TRHR: variants seen among roughly 807,000 people sequenced by gnomAD.
The protein encoded by TRHR is thyrotropin-releasing hormone receptor.
A neutral mutation model predicts 28.0 loss-of-function variants in TRHR; 14 were observed. That is an observed-to-expected ratio of 0.50 (90% confidence interval 0.33 to 0.78). TRHR has a LOEUF of 0.78. Among genes scored for constraint, TRHR ranks in the 30% least tolerant of loss-of-function variants. The pLI is 0.02. For synonymous variants in TRHR, 176 were observed against 171.9 expected, an observed-to-expected ratio of 1.02 and a Z score of -0.18; for missense variants, 438 against 469.5, an observed-to-expected ratio of 0.93 and a Z score of 0.62.
intron 2 of TRHR, among the ~76,000 whole-genome samples, chr8:109,105,395 A>G (rs1469432601): frequency 6.6e-6 from 1 of 152,194 alleles, no homozygotes; most frequent in East Asian, 1.9e-4. Flanking sequence ...ATTGTCTTAC[A>G]TGTGTGACAA....
chr8:109,112,207 T>C (rs1811844724), intron 2 of TRHR, among the ~76,000 whole-genome samples: 2 of 152,128 alleles, frequency 1.3e-5, no homozygotes. Flanking sequence ...AGCAAGAGTA[T>C]CCAGATACTA....
intron 2 of TRHR, among the ~76,000 whole-genome samples, chr8:109,100,057 G>A (rs1178523171): frequency 6.6e-6 from 1 of 152,146 alleles, no homozygotes. Flanking sequence ...GTGTAGTCAA[G>A]TGACTCAAGC....
intron 2 of TRHR, among the ~76,000 whole-genome samples, chr8:109,098,593 T>C (rs1811630198): frequency 6.6e-6 from 1 of 152,132 alleles, no homozygotes; most frequent in African/African-American, 2.4e-5. Flanking sequence ...TATCTTGCCA[T>C]ACTAGGACAT....
chr8:109,119,296 T>C lies in TRHR; in HGVS notation c.1038T>C (p.Ala346=), dbSNP rs956251324. The change falls in exon 3 of 3, where the codon GCT becomes GCC. Residue 346 remains alanine, a synonymous_variant. Coordinates refer to ENST00000518632, the MANE Select transcript of TRHR (RefSeq NM_003301.7). ...AGCAGAAGCCAACAGAGAAACCTGC[T>C]AACTACAGTGTGGCCCTAAATTACA... ...NCKQKPTEKP[A]NYSVALNYSV... 1 of 1,612,720 alleles carries C rather than the reference T, an allele frequency of 6.2e-7. No individual in the cohort carries two copies.
At chr8:109,105,586 A>G (rs1047757546) in intron 2 of TRHR, among the ~76,000 whole-genome samples, 1 of 152,174 alleles carries the variant, frequency 6.6e-6, no homozygotes, top group East Asian at 1.9e-4. Flanking sequence ...ACAAATGCCC[A>G]TATTATATCA....
chr8:109,088,149 T>G lies in TRHR; in HGVS notation c.637T>G (p.Phe213Val), dbSNP rs754804741. ...PMILATVLYG[F>V]IARILFLNPI... ...GATCCTGGCTACCGTCCTCTATGGA[T>G]TCATAGCTAGAATCCTTTTCTTAAA... Residue 213 changes from phenylalanine (F) to valine (V), a missense_variant, in exon 2 of 3, where the codon TTC becomes GTC. Coordinates refer to ENST00000518632, the MANE Select transcript of TRHR (RefSeq NM_003301.7). 2 of 1,614,174 alleles carry G rather than the reference T, an allele frequency of 1.2e-6. No homozygotes were observed. The highest frequency in any genetic ancestry group is 1.7e-6 in the Non-Finnish European group (2 of 1,180,038).
In TRHR at chr8:109,120,905, C is replaced by T. The variant is rs566196748; in HGVS notation, c.*1450C>T. Among the ~76,000 whole-genome samples the T allele has an allele frequency of 6.6e-6, 1 of 151,556 alleles. No homozygotes were observed. The highest frequency in any genetic ancestry group is 2.1e-4 in the South Asian group (1 of 4,816). ...ACCCATACCTTTACATGCCCGTAGG[C>T]TGTCATTTTCCCTCTCCAGCCTATA... On this transcript the variant is annotated 3_prime_UTR_variant, in exon 3 of 3. Transcript: ENST00000518632.
chr8:109,099,832 A>G (rs1440083308), intron 2 of TRHR, among the ~76,000 whole-genome samples: 1 of 152,216 alleles, frequency 6.6e-6, no homozygotes, highest in Admixed American at 6.5e-5. Context: ...AAGAAAGTAA[A>G]TCATCCTATG....
At chr8:109,092,407 A>ATTAT (rs932121087) in intron 2 of TRHR, among the ~76,000 whole-genome samples, 1 of 150,538 alleles carries the variant, frequency 6.6e-6, no homozygotes, top group Non-Finnish European at 1.5e-5. Flanking sequence ...CTTTTTATTT[A>ATTAT]TTATTTATTT....
intron 2 of TRHR, among the ~76,000 whole-genome samples, chr8:109,101,300 G>A (rs1383378860): frequency 6.6e-6 from 1 of 152,182 alleles, no homozygotes; most frequent in Non-Finnish European, 1.5e-5. Flanking sequence ...GTGAGAAGAT[G>A]TGTAGAAAGC....
At chr8:109,089,319 A>G (rs1172312006) in intron 2 of TRHR, among the ~76,000 whole-genome samples, 1 of 121,982 alleles carries the variant, frequency 8.2e-6, no homozygotes, top group African/African-American at 2.9e-5. Flanking sequence ...GAATTTTCTC[A>G]TATTTCTTGA....
chr8:109,099,010 C>T (rs1177858426), intron 2 of TRHR, among the ~76,000 whole-genome samples: 1 of 152,114 alleles, frequency 6.6e-6, no homozygotes, highest in Non-Finnish European at 1.5e-5. Context: ...TGCCTAGGGA[C>T]ATACTGATAA....
chr8:109,114,631 C>T (rs377416209), intron 2 of TRHR, among the ~76,000 whole-genome samples: 6 of 152,048 alleles, frequency 3.9e-5, no homozygotes, highest in Non-Finnish European at 7.4e-5. Context: ...TACTTCTAGT[C>T]CCATGATATA....
At chr8:109,098,094 T>C (rs999173701) in intron 2 of TRHR, among the ~76,000 whole-genome samples, 1 of 151,834 alleles carries the variant, frequency 6.6e-6, no homozygotes, top group Non-Finnish European at 1.5e-5. Flanking sequence ...CCTTGCCACA[T>C]GTGAAGAAGC....
At chr8:109,113,434 CT>C (rs1203980539) in intron 2 of TRHR, among the ~76,000 whole-genome samples, 1 of 152,086 alleles carries the variant, frequency 6.6e-6, no homozygotes, top group African/African-American at 2.4e-5. Flanking sequence ...TTCCTCAAAA[CT>C]ATCAAGACCA....
chr8:109,095,908 C>T (rs560838391), intron 2 of TRHR, among the ~76,000 whole-genome samples: 112 of 152,102 alleles, frequency 7.4e-4, no homozygotes, highest in Non-Finnish European at 1.4e-3. Context: ...TACTTCTCCA[C>T]TCGCACCGCT....
At chr8:109,087,131 A>G (rs967198402) in intron 1 of TRHR, among the ~76,000 whole-genome samples, 1 of 151,946 alleles carries the variant, frequency 6.6e-6, no homozygotes, top group Non-Finnish European at 1.5e-5. Context: ...GTTAGCAGAT[A>G]TTTAGTTTTT....
chr8:109,093,154 A>G (rs1811539691), intron 2 of TRHR, among the ~76,000 whole-genome samples: 1 of 152,128 alleles, frequency 6.6e-6, no homozygotes, highest in Non-Finnish European at 1.5e-5. Flanking sequence ...TGCTGAAGTC[A>G]TATGAGATAT....
chr8:109,087,331 G>A (rs566562314), intron 1 of TRHR, 94 bp from the exon 2 acceptor site: 1 of 684,474 alleles, frequency 1.5e-6, no homozygotes, highest in African/African-American at 1.8e-5. Flanking sequence ...AGAAAAATGG[G>A]AAGTGAAAGG....
Sources: gnomAD v4.1 joint callset for allele counts (sites outside exome capture counted in the v4.1 genomes callset) on GRCh38, gnomAD v4.1.1 for gene constraint, MANE v1.5 for transcripts, NCBI Gene and HGNC (gene_info 2026-07-23, HGNC 2026-07-21) for gene names.